DOCK3: variants seen among roughly 807,000 people sequenced by gnomAD.
DOCK3 encodes dedicator of cytokinesis protein 3.
DOCK3 carries 60 observed loss-of-function variants against 265.6 expected under a neutral mutation model. The ratio of observed to expected loss-of-function variants is 0.23; its 90% CI spans 0.18 to 0.28. DOCK3 has a LOEUF of 0.28. Among genes scored for constraint, DOCK3 ranks in the 10% least tolerant of loss-of-function variants. The pLI is 1.00. For synonymous variants in DOCK3, 881 were observed against 938.0 expected (o/e 0.94, Z 1.11); for missense variants, 1,981 against 2,594.3 (o/e 0.76, Z 5.14).
chr3:50,826,157 T>C (rs2044743293), intron 2 of DOCK3, among the ~76,000 whole-genome samples: 1 of 152,082 alleles, frequency 6.6e-6, no homozygotes, highest in Admixed American at 6.5e-5. Context: ...TTGGGGCCCC[T>C]TTTGTAAGTT....
intron 14 of DOCK3, among the ~76,000 whole-genome samples, chr3:51,214,543 C>A (rs2089678029): frequency 6.6e-6 from 1 of 152,100 alleles, no homozygotes; most frequent in South Asian, 2.1e-4. Context: ...AATATGGAAC[C>A]TTCATGGAGA....
intron 1 of DOCK3, among the ~76,000 whole-genome samples, chr3:50,703,572 C>G (rs2609038): frequency 0.02 from 3,067 of 151,022 alleles, 52 homozygotes; most frequent in Non-Finnish European, 0.031. Context: ...TTTATGTGTC[C>G]AAGAATTTAG....
chr3:51,123,299 C>T (rs906185872), intron 9 of DOCK3, among the ~76,000 whole-genome samples: 6 of 152,218 alleles, frequency 3.9e-5, no homozygotes, highest in African/African-American at 1.4e-4. Context: ...AAACTCTGAA[C>T]TCACACTGCC....
intron 1 of DOCK3, among the ~76,000 whole-genome samples, chr3:50,680,361 G>A (rs922146425): frequency 6.6e-6 from 1 of 151,164 alleles, no homozygotes; most frequent in Admixed American, 6.6e-5. Context: ...ACAGGTGTGC[G>A]CCGCCACACC....
chr3:51,227,871 T>C lies in DOCK3; in HGVS notation c.1541-111T>C, dbSNP rs992055377. 1.2e-5 allele frequency: 13 copies of C among 1,052,656 alleles called. No individual in the cohort carries two copies. In the South Asian group the frequency reaches 1.3e-4, roughly 10 times the overall value. 65.2% of individuals were successfully genotyped at this position (1,052,656 alleles called of 1,614,324 possible). On this transcript the variant is annotated intron_variant, in intron 16 of 52. Transcript: ENST00000266037. ...TTCCTGCAGTCAGGTTGCCACCTAG[T>C]TAATGAAAGAGGCGAGGAACAAAAG... is the stretch of plus-strand genomic sequence containing the variant.
At chr3:50,847,733 A>G (rs959359131) in intron 3 of DOCK3, among the ~76,000 whole-genome samples, 16 of 151,930 alleles carry the variant, frequency 1.1e-4, no homozygotes, top group African/African-American at 4.8e-5. Flanking sequence ...AAAACACAAA[A>G]ATCAGCCGGG....
rs994800008 is a variant in DOCK3, at chr3:50,959,395, A to G, written c.315+25318A>G. On this transcript the variant is annotated intron_variant, in intron 5 of 52. Transcript: ENST00000266037. ...TTAGCAAATTCCCAGTATAAAATACAGTATCATTAGTGATAGTCTTCATGT... is the reference window on the plus strand; with the variant it reads ...TTAGCAAATTCCCAGTATAAAATACGGTATCATTAGTGATAGTCTTCATGT... Among the ~76,000 whole-genome samples the G allele has an allele frequency of 1.2e-4, 19 of 152,062 alleles. 1 individual carries two copies. Among genetic ancestry groups the G allele is most frequent in the Middle Eastern group, 6.8e-3 (2 of 294 alleles).
At chr3:50,692,201 G>A (rs1278347776) in intron 1 of DOCK3, among the ~76,000 whole-genome samples, 3 of 152,216 alleles carry the variant, frequency 2.0e-5, no homozygotes, top group African/African-American at 7.2e-5. Flanking sequence ...ACAGGCATGA[G>A]CCACTGTGCC....
chr3:50,713,514 G>T (rs140366656), intron 1 of DOCK3, among the ~76,000 whole-genome samples: 2 of 152,074 alleles, frequency 1.3e-5, no homozygotes, highest in African/African-American at 4.8e-5. Context: ...TTTGTGTTAG[G>T]CATGGGCTGA....
At chr3:51,027,872 A>AT (rs67560588) in intron 5 of DOCK3, among the ~76,000 whole-genome samples, 4 of 150,576 alleles carry the variant, frequency 2.7e-5, no homozygotes, top group African/African-American at 9.8e-5. Flanking sequence ...GTTGGATCTC[A>AT]TTTTTTTTTT....
At chr3:50,981,316 A>G (rs1405537865) in intron 5 of DOCK3, among the ~76,000 whole-genome samples, 1 of 152,182 alleles carries the variant, frequency 6.6e-6, no homozygotes, top group African/African-American at 2.4e-5. Flanking sequence ...TATATCCGAT[A>G]GCTTACTTAT....
At position 50,778,706 on chromosome 3, in the gene DOCK3, A is replaced by G. The variant is rs912756031; in HGVS notation, c.69A>G (p.Gln23=). ...VICSFRGSVP[Q]GLVLEIGETV... is the part of the protein sequence containing the mutation. Reference sequence around the variant, plus strand: ...GCAGCTTTCGAGGATCTGTCCCTCAAGGGTTGGTCTTAGAAATAGGAGAAA... The same window carrying G: ...GCAGCTTTCGAGGATCTGTCCCTCAGGGGTTGGTCTTAGAAATAGGAGAAA... The change falls in exon 2 of 53, where the codon CAA becomes CAG. Residue 23 remains glutamine (Q), a synonymous_variant. Coordinates refer to ENST00000266037, the MANE Select transcript of DOCK3 (RefSeq NM_004947.5). The G allele has an allele frequency of 1.9e-6, 3 of 1,589,514 alleles. No individual in the cohort carries two copies. In the African/African-American group the frequency reaches 4.0e-5, roughly 21 times the overall value.
At chr3:50,810,682 A>G (rs2043697275) in intron 2 of DOCK3, among the ~76,000 whole-genome samples, 1 of 152,216 alleles carries the variant, frequency 6.6e-6, no homozygotes, top group South Asian at 2.1e-4. Context: ...AACAATATGG[A>G]AGAATCTGAA....
At chr3:51,195,637 C>T (rs2088243587) in intron 12 of DOCK3, among the ~76,000 whole-genome samples, 2 of 152,080 alleles carry the variant, frequency 1.3e-5, no homozygotes, top group Admixed American at 1.3e-4. Flanking sequence ...AGGCTAGTCT[C>T]AAACTCCTGA....
chr3:51,222,233 C>A (rs377413129), intron 14 of DOCK3, among the ~76,000 whole-genome samples: 14 of 152,136 alleles, frequency 9.2e-5, no homozygotes, highest in African/African-American at 3.4e-4. Context: ...TATTTCCTGG[C>A]AGTTGGTGCC....
chr3:50,727,258 A>T (rs566793190), intron 1 of DOCK3, among the ~76,000 whole-genome samples: 144 of 152,378 alleles, frequency 9.5e-4, no homozygotes, highest in African/African-American at 3.4e-3. Context: ...AAAGATGAAG[A>T]CATAGAAAGG....
intron 2 of DOCK3, among the ~76,000 whole-genome samples, chr3:50,821,882 G>T (rs1276545593): frequency 3.9e-5 from 6 of 152,020 alleles, no homozygotes; most frequent in Admixed American, 3.9e-4. Flanking sequence ...GTCTGTTTTT[G>T]TACCAGTACC....
intron 3 of DOCK3, among the ~76,000 whole-genome samples, chr3:50,851,632 C>T (rs1422757154): frequency 3.3e-5 from 5 of 152,188 alleles, no homozygotes; most frequent in Admixed American, 6.5e-5. Context: ...CCAGCAATGG[C>T]ACATGCAGAA....
chr3:50,829,004 G>A (rs1047045902), intron 2 of DOCK3, among the ~76,000 whole-genome samples: 10 of 152,118 alleles, frequency 6.6e-5, no homozygotes, highest in Admixed American at 5.2e-4. Context: ...GAGCCACCGC[G>A]CCTGGACCCT....
Sources: gnomAD v4.1 joint callset for allele counts (sites outside exome capture counted in the v4.1 genomes callset) on GRCh38, gnomAD v4.1.1 for gene constraint, MANE v1.5 for transcripts, NCBI Gene and HGNC (gene_info 2026-07-23, HGNC 2026-07-21) for gene names.